The following CLIP3 variants were observed in gnomAD, a reference collection of about 807,000 sequenced individuals.
CLIP3 encodes the protein CAP-Gly domain-containing linker protein 3.
A neutral mutation model predicts 59.4 loss-of-function variants in CLIP3; 15 were observed. The observed-to-expected ratio is 0.25, with a 90% confidence interval of 0.17 to 0.39. The LOEUF (loss-of-function observed/expected upper bound fraction) is 0.39, where lower values mean the gene tolerates loss of function less well. CLIP3 is among the 10% of genes least tolerant of loss of function. CLIP3 has a pLI of 1.00. For synonymous variants in CLIP3, 300 were observed against 321.6 expected (o/e 0.93, Z 0.72); for missense variants, 495 against 765.7 (o/e 0.65, Z 4.17).
In CLIP3 at chr19:36,026,766, C is replaced by G. The variant is rs1294977369; in HGVS notation, c.401-19G>C. ...GGGTCCCCTGCGCGATAGGCCGGGT[C>G]AGCTTGGAACCCCCATTCCAGAGCA... On this transcript the variant is annotated intron_variant, in intron 4 of 13. Coordinates refer to ENST00000360535, the MANE Select transcript of CLIP3 (RefSeq NM_015526.3). This position sits in a 1 kb window ranked among gnomAD's most constrained non-coding sequence, Gnocchi z 6.3. 1 of 1,586,612 alleles carries G rather than the reference C, an allele frequency of 6.3e-7. No homozygotes were observed.
intron 2 of CLIP3, among the ~76,000 whole-genome samples, chr19:36,031,031 T>C (rs1969252990): frequency 7.8e-6 from 1 of 127,880 alleles, no homozygotes; most frequent in African/African-American, 3.2e-5. Context: ...TTCTTTTTTT[T>C]TTTTTTTTTT....
intron 12 of CLIP3, 115 bp downstream of exon 12, chr19:36,017,270 AC>A (rs1968822068): frequency 2.8e-6 from 3 of 1,057,094 alleles, no homozygotes; most frequent in South Asian, 1.3e-5. Context: ...ATTTTCCTGG[AC>A]CCTGTGTCCC....
intron 7 of CLIP3, among the ~76,000 whole-genome samples, chr19:36,022,169 C>T (rs982305338): frequency 1.3e-5 from 2 of 152,102 alleles, no homozygotes; most frequent in South Asian, 2.1e-4. Context: ...CGTGAGGCAC[C>T]GCGCCCCGAC....
At chr19:36,019,366 C>T (rs1161211979) in intron 7 of CLIP3, 60 bp from the exon 8 acceptor site, 2 of 1,556,112 alleles carry the variant, frequency 1.3e-6, no homozygotes, top group East Asian at 2.4e-5. Context: ...ACGTGGAGTG[C>T]CCACACACGG....
intron 2 of CLIP3, 105 bp from the exon 3 acceptor site, chr19:36,027,376 G>T: frequency 7.9e-7 from 1 of 1,268,710 alleles, no homozygotes; most frequent in South Asian, 1.7e-5. Context: ...CTAATGCAGG[G>T]TCTCAAGCTG....
rs1346025472 is a variant in CLIP3 at position 36,027,009 on chromosome 19, C to T, written c.343G>A (p.Gly115Arg). 3 of 1,594,796 alleles carry T rather than the reference C, an allele frequency of 1.9e-6. No homozygotes were observed. Among genetic ancestry groups the T allele is most frequent in the African/African-American group, 1.4e-5 (1 of 73,842 alleles). Residue 115 changes from glycine (G) to arginine (R), a missense_variant, in exon 4 of 14, where the codon GGG (glycine) becomes AGG (arginine). Transcript: ENST00000360535. ...TGGAGCAGTGTCATGTCGGTCAGCC[C>T]GTCACGATCGTTCACATGGCAGCCT... ...RRGCHVNDRD[G>R]LTDMTLLHYA...
chr19:36,028,014 A>G (rs1002927398), intron 2 of CLIP3, among the ~76,000 whole-genome samples: 1 of 152,170 alleles, frequency 6.6e-6, no homozygotes. Flanking sequence ...TGGGCAACAG[A>G]GCAAGACCCT....
chr19:36,022,272 A>G lies in CLIP3; in HGVS notation c.918+2124T>C, dbSNP rs189158370. Among the ~76,000 whole-genome samples, 18 of 152,272 alleles carry G rather than the reference A, an allele frequency of 1.2e-4. No homozygotes were observed. In the South Asian group the frequency reaches 1.9e-3, roughly 16 times the overall value. On this transcript the variant is annotated intron_variant, in intron 7 of 13. Coordinates refer to ENST00000360535, the MANE Select transcript of CLIP3 (RefSeq NM_015526.3). ...TTAGTATGCGCTGGACTCTGTTCTA[A>G]TGGCCTTACGCATTTTAATTAATTT...
At position 36,019,610 on chromosome 19, in the gene CLIP3, T is replaced by TA. The variant is rs60999828; in HGVS notation, c.919-305_919-304insT. Among the ~76,000 whole-genome samples, 960 of 150,418 alleles carry TA rather than the reference T, an allele frequency of 6.4e-3. 12 individuals are homozygous for TA. The highest frequency in any genetic ancestry group is 0.022 in the African/African-American group (918 of 41,174). On this transcript the variant is annotated intron_variant, in intron 7 of 13. Transcript: ENST00000360535. ...TATTTATTTATTTATTTTATTTATT[T>TA]TTTTTTTTTTCGAGACAGCGTCTCA...
At chr19:36,028,233 G>C (rs1238034520) in intron 2 of CLIP3, among the ~76,000 whole-genome samples, 1 of 152,118 alleles carries the variant, frequency 6.6e-6, no homozygotes, top group African/African-American at 2.4e-5. Context: ...AGCTGCTCGG[G>C]AGGCTGAGGC....
At chr19:36,031,596 C>A (rs1262175393) in intron 2 of CLIP3, among the ~76,000 whole-genome samples, 1 of 152,138 alleles carries the variant, frequency 6.6e-6, no homozygotes, top group Non-Finnish European at 1.5e-5. Context: ...CCAGCGGTTA[C>A]CTCTCCTGGG....
At chr19:36,030,476 C>G (rs1019082438) in intron 2 of CLIP3, among the ~76,000 whole-genome samples, 3 of 152,206 alleles carry the variant, frequency 2.0e-5, no homozygotes, top group Non-Finnish European at 4.4e-5. Flanking sequence ...CTCTCTGAAC[C>G]TGGTTTCTGA....
chr19:36,027,075 AC>A (rs752319165), intron 3 of CLIP3, 30 bp from the exon 4 acceptor site: 1 of 1,597,814 alleles, frequency 6.3e-7, no homozygotes, highest in Non-Finnish European at 8.5e-7. Flanking sequence ...AGGGAGGGTC[AC>A]CCACACATGT....
At position 36,022,041 on chromosome 19, in the gene CLIP3, G is replaced by C. The variant is rs370354885; in HGVS notation, c.918+2355C>G. 1.1e-4 allele frequency among the ~76,000 whole-genome samples: 16 copies of C among 152,122 alleles called. No homozygotes were observed. The South Asian group carries it at 1.9e-3, about 18-fold the overall frequency. ...CTACAGGCACCTGCCACCATGCCTG[G>C]CTAATTTTTTGTATTTTTTTTGTAG... is the stretch of plus-strand genomic sequence containing the variant. On this transcript the variant is annotated intron_variant, in intron 7 of 13. Transcript: ENST00000360535.
Position 36,016,084 on chromosome 19 carries a change from G to T in CLIP3, c.*74C>A. 6.6e-7 allele frequency: 1 copy of T among 1,513,060 alleles called. No individual in the cohort carries two copies. Among genetic ancestry groups the T allele is most frequent in the Non-Finnish European group, 9.2e-7 (1 of 1,092,526 alleles). 93.7% of individuals were successfully genotyped at this position (1,513,060 alleles called of 1,614,324 possible). ...TGTGTTACTGGGAATCTCTATCTCAGGGTGACTCAGGGCTCCTCGGGTGTC... is the reference window on the plus strand; with the variant it reads ...TGTGTTACTGGGAATCTCTATCTCATGGTGACTCAGGGCTCCTCGGGTGTC... On this transcript the variant is annotated 3_prime_UTR_variant, in exon 14 of 14. Transcript: ENST00000360535. This position sits in a 1 kb window ranked among gnomAD's most constrained non-coding sequence, Gnocchi z 4.1.
At chr19:36,028,075 G>A (rs950791035) in intron 2 of CLIP3, among the ~76,000 whole-genome samples, 3 of 152,076 alleles carry the variant, frequency 2.0e-5, no homozygotes, top group South Asian at 2.1e-4. Context: ...GGTGGCTCAC[G>A]CCTGTAATCC....
intron 2 of CLIP3, among the ~76,000 whole-genome samples, chr19:36,029,585 C>CTTTA (rs941638594): frequency 3.3e-5 from 5 of 151,980 alleles, no homozygotes; most frequent in African/African-American, 7.2e-5. Flanking sequence ...ATGCCCAGCC[C>CTTTA]TTTATTTATT....
intron 2 of CLIP3, among the ~76,000 whole-genome samples, chr19:36,028,224 G>C (rs1485716886): frequency 6.6e-6 from 1 of 151,066 alleles, no homozygotes; most frequent in African/African-American, 2.4e-5. Context: ...GGTAATCCCA[G>C]CTGCTCGGGA....
chr19:36,021,814 C>T (rs57255566), intron 7 of CLIP3, among the ~76,000 whole-genome samples: 17,210 of 152,226 alleles, frequency 0.11, 2,496 homozygotes, highest in African/African-American at 0.34. Flanking sequence ...ATTCACCTCT[C>T]CATGCCTCAG....
Sources: allele counts gnomAD v4.1 joint callset (sites outside exome capture counted in the v4.1 genomes callset), GRCh38; gene constraint gnomAD v4.1.1; non-coding constraint Gnocchi (gnomAD v3.1); transcripts MANE v1.5; gene names NCBI Gene and HGNC (gene_info 2026-07-23, HGNC 2026-07-21).